Variants in CEP68 observed in about 807,000 individuals in gnomAD.
CEP68 encodes the protein centrosomal protein of 68 kDa.
CEP68 carries 26 observed loss-of-function variants against 55.3 expected under a neutral mutation model. The observed-to-expected ratio is 0.47, with a 90% CI of 0.34 to 0.65. The LOEUF is 0.65. Among genes scored for constraint, CEP68 ranks in the 30% least tolerant of loss-of-function variants. The pLI, the probability that CEP68 is intolerant of heterozygous loss-of-function variation, is 0.01. For synonymous variants in CEP68, 402 were observed against 383.2 expected (o/e 1.05, Z -0.57); for missense variants, 957 against 946.7 (o/e 1.01, Z -0.14).
At chr2:65,079,896 G>C (rs1431726252) in intron 5 of CEP68, among the ~76,000 whole-genome samples, 2 of 152,212 alleles carry the variant, frequency 1.3e-5, no homozygotes, top group Non-Finnish European at 2.9e-5. Flanking sequence ...CACTTTGGGA[G>C]GCCAAGGTGG....
chr2:65,066,678 G>A (rs1676186411), intron 1 of CEP68, among the ~76,000 whole-genome samples: 2 of 129,212 alleles, frequency 1.5e-5, no homozygotes, highest in African/African-American at 5.9e-5. Context: ...AGTGAGCCGA[G>A]ATCACACCAC....
At chr2:65,058,497 CTTTTTTT>C (rs34477880) in intron 1 of CEP68, among the ~76,000 whole-genome samples, 6 of 75,684 alleles carry the variant, frequency 7.9e-5, no homozygotes, top group South Asian at 5.6e-4. Flanking sequence ...GATTTTTTTC[CTTTTTTT>C]TTTTTTTTTT....
In CEP68 at chr2:65,056,463, G is replaced by C. The variant is rs376605613; in HGVS notation, c.-112G>C. 6 of 152,636 alleles carry C rather than the reference G, an allele frequency of 3.9e-5. No homozygotes were observed. In the East Asian group the frequency reaches 5.8e-4, roughly 15 times the overall value. The allele number at this position is 152,636 out of a possible 1,614,324, so 9.5% of individuals were successfully genotyped here. On this transcript the variant is annotated 5_prime_UTR_variant, in exon 1 of 7. Coordinates refer to ENST00000377990, the MANE Select transcript of CEP68 (RefSeq NM_015147.3). ...CCGCAGTTGCAGTCAGGGTCCGCCA[G>C]CTCGGGGCCAGCGCATGGGGCTGCT...
At chr2:65,071,344 T>G (rs1257445017) in intron 2 of CEP68, 110 bp from the exon 3 acceptor site, 3 of 887,404 alleles carry the variant, frequency 3.4e-6, no homozygotes, top group Non-Finnish European at 5.2e-6. Flanking sequence ...CATTTTAAGG[T>G]CTTTCCTAAA....
chr2:65,067,819 T>A (rs1374287735), intron 1 of CEP68, among the ~76,000 whole-genome samples: 1 of 152,206 alleles, frequency 6.6e-6, no homozygotes, highest in Non-Finnish European at 1.5e-5. Flanking sequence ...TTGTGGGAAC[T>A]AGACGAGCGT....
chr2:65,072,297 C>T lies in CEP68; in HGVS notation c.1201C>T (p.Pro401Ser), dbSNP rs1676516903. The change falls in exon 3 of 7, where the codon CCC becomes TCC. Residue 401 changes from proline to serine, a missense_variant. Pro to Ser is a moderately conservative substitution (Grantham distance 74, BLOSUM62 -1). Coordinates refer to ENST00000377990, the MANE Select transcript of CEP68 (RefSeq NM_015147.3). The stretch of plus-strand genomic sequence containing the variant: ...ATCTTGGAGCCAACTTGCATCTACC[C>T]CCAGAGCCCCAGGCAGTAGGGATGC... ...LASWSQLAST[P>S]RAPGSRDARW... 3 of 1,614,046 alleles carry T rather than the reference C, an allele frequency of 1.9e-6. No homozygotes were observed. The highest frequency in any genetic ancestry group is 1.7e-6 in the Non-Finnish European group (2 of 1,180,014).
chr2:65,059,135 C>T (rs892499185), intron 1 of CEP68, among the ~76,000 whole-genome samples: 1 of 152,164 alleles, frequency 6.6e-6, no homozygotes, highest in Non-Finnish European at 1.5e-5. Flanking sequence ...AATCTGTTCT[C>T]ATGAAGAAAC....
At position 65,072,188 on chromosome 2, in the gene CEP68, C is replaced by G. The variant is rs1372078345; in HGVS notation, c.1092C>G (p.Ala364=). The G allele has an allele frequency of 5.0e-6, 8 of 1,614,004 alleles. No homozygotes were observed. The highest frequency in any genetic ancestry group is 6.8e-6 in the Non-Finnish European group (8 of 1,180,032). The change falls in exon 3 of 7, where the codon GCC becomes GCG. Residue 364 remains alanine, a synonymous_variant. Coordinates refer to ENST00000377990, the MANE Select transcript of CEP68 (RefSeq NM_015147.3). ...ACTGCCCACCAGCAGAGGCCACTGC[C>G]CTGCCATTTTCTGGGCCCAGAGAGC... is the stretch of plus-strand genomic sequence containing the variant. ...SPNCPPAEAT[A]LPFSGPREPS...
At chr2:65,061,722 A>C (rs1266808977) in intron 1 of CEP68, among the ~76,000 whole-genome samples, 1 of 152,214 alleles carries the variant, frequency 6.6e-6, no homozygotes, top group Non-Finnish European at 1.5e-5. Flanking sequence ...TCCCAGTCTC[A>C]GGCCTCCAGC....
Position 65,072,663 on chromosome 2 carries a change from G to T in CEP68, c.1567G>T (p.Asp523Tyr). The T allele has an allele frequency of 6.2e-7, 1 of 1,614,174 alleles. No individual in the cohort carries two copies. Among genetic ancestry groups the T allele is most frequent in the Non-Finnish European group, 8.5e-7 (1 of 1,180,024 alleles). Residue 523 changes from aspartate to tyrosine, a missense_variant, in exon 3 of 7, where the codon GAC (aspartate) becomes TAC (tyrosine). Asp to Tyr is a radical substitution (Grantham distance 160). Transcript: ENST00000377990. ...IKGQSPLEVS[D>Y]SDGPASFPSS... Reference sequence around the variant, plus strand: ...AGGGCAGAGCCCCTTGGAAGTGTCAGACAGTGATGGGCCAGCTTCCTTCCC... The same window carrying T: ...AGGGCAGAGCCCCTTGGAAGTGTCATACAGTGATGGGCCAGCTTCCTTCCC...
rs933737214 is a variant in CEP68 at position 65,086,632 on chromosome 2, A to C, written c.*2998A>C. On this transcript the variant is annotated 3_prime_UTR_variant, in exon 7 of 7. Transcript: ENST00000377990. ...TTTAAACAACTTTTACTGTGTAAAA[A>C]TGAAGTGCACGGCATGGCATCACAG... 6.6e-6 allele frequency: 1 copy of C among 152,320 alleles called. No homozygotes were observed. Among genetic ancestry groups the C allele is most frequent in the Non-Finnish European group, 1.5e-5 (1 of 68,048 alleles). 9.4% of individuals were successfully genotyped at this position (152,320 alleles called of 1,614,324 possible). A position where few individuals can be genotyped will look rare whatever the true frequency, so the allele number is the denominator to read the frequency against.
chr2:65,063,172 G>A (rs946426409), intron 1 of CEP68, among the ~76,000 whole-genome samples: 1 of 152,236 alleles, frequency 6.6e-6, no homozygotes, highest in African/African-American at 2.4e-5. Flanking sequence ...ATATCTGGTG[G>A]ATCATACAGC....
intron 3 of CEP68, chr2:65,073,337 GAT>G (rs1676595302): frequency 2.9e-6 from 1 of 349,212 alleles, no homozygotes; most frequent in East Asian, 7.4e-5. Flanking sequence ...TTTGTGCACA[GAT>G]GCCTTTAGGA....
At chr2:65,068,110 AG>A (rs1004170162) in intron 1 of CEP68, among the ~76,000 whole-genome samples, 2 of 152,020 alleles carry the variant, frequency 1.3e-5, no homozygotes, top group African/African-American at 4.8e-5. Flanking sequence ...TTAAGCTTTG[AG>A]GTTGGCCCAG....
intron 1 of CEP68, among the ~76,000 whole-genome samples, chr2:65,066,745 A>AAAAAAAAATAT (rs70943620): frequency 8.6e-5 from 5 of 58,402 alleles, no homozygotes; most frequent in Non-Finnish European, 1.2e-4. Context: ...AAAAAAAAAA[A>AAAAAAAAATAT]ATATATATAT....
chr2:65,072,218 C>T lies in CEP68; in HGVS notation c.1122C>T (p.Ser374=). 3.1e-6 allele frequency: 5 copies of T among 1,614,128 alleles called. No homozygotes were observed. The highest frequency in any genetic ancestry group is 1.1e-5 in the South Asian group (1 of 91,086). Residue 374 remains serine, a synonymous_variant, in exon 3 of 7, where the codon AGC becomes AGT. Coordinates refer to ENST00000377990, the MANE Select transcript of CEP68 (RefSeq NM_015147.3). ...CATTTTCTGGGCCCAGAGAGCCAAG[C>T]CTTAAGCAGTGGCCCTCCAGAGTAC... ...ALPFSGPREP[S]LKQWPSRVPQ... is the part of the protein sequence containing the mutation.
At chr2:65,078,670 T>G (rs1241836045) in intron 5 of CEP68, among the ~76,000 whole-genome samples, 1 of 152,178 alleles carries the variant, frequency 6.6e-6, no homozygotes, top group Non-Finnish European at 1.5e-5. Flanking sequence ...GCCTCCTGAG[T>G]AGCTGGGATT....
intron 5 of CEP68, 84 bp downstream of exon 5, chr2:65,078,048 A>G (rs968315435): frequency 3.3e-5 from 32 of 984,414 alleles, no homozygotes; most frequent in Non-Finnish European, 4.5e-5. Context: ...CCTGGTAAGG[A>G]GCTGGTACCA....
At chr2:65,056,928 G>C (rs1004354551) in intron 1 of CEP68, among the ~76,000 whole-genome samples, 1 of 152,230 alleles carries the variant, frequency 6.6e-6, no homozygotes, top group Non-Finnish European at 1.5e-5. Flanking sequence ...GCCTCTCCCG[G>C]GCGTGGGCTG....
Sources: gnomAD v4.1 joint callset for allele counts (sites outside exome capture counted in the v4.1 genomes callset) on GRCh38, gnomAD v4.1.1 for gene constraint, MANE v1.5 for transcripts, NCBI Gene and HGNC (gene_info 2026-07-23, HGNC 2026-07-21) for gene names.